ANKRD16: variants seen among roughly 807,000 people sequenced by gnomAD.
The protein encoded by ANKRD16 is ankyrin repeat domain 16.
A neutral mutation model predicts 37.9 loss-of-function variants in ANKRD16; 35 were observed. That is an observed-to-expected ratio of 0.92 (90% CI 0.71 to 1.23). The LOEUF (loss-of-function observed/expected upper bound fraction) is 1.23. ANKRD16 is among the 50% of genes most tolerant of loss of function. ANKRD16 has a pLI of 0.00. For missense variants in ANKRD16, 480 were observed against 469.9 expected, an observed-to-expected ratio of 1.02 and a Z score of -0.20; for synonymous variants, 206 against 197.2, an observed-to-expected ratio of 1.04 and a Z score of -0.37.
chr10:5,872,866 T>G (rs995883379), intron 7 of ANKRD16, among the ~76,000 whole-genome samples: 6 of 147,458 alleles, frequency 4.1e-5, no homozygotes, highest in African/African-American at 1.5e-4. Context: ...CTGCATTTTA[T>G]TTTTTATTTC....
In ANKRD16 at chr10:5,866,319, G is replaced by A. The variant is rs1431372248; in HGVS notation, c.*34-3628C>T. Among the ~76,000 whole-genome samples, 1 of 152,190 alleles carries A rather than the reference G, an allele frequency of 6.6e-6. No homozygotes were observed. Among genetic ancestry groups the A allele is most frequent in the Non-Finnish European group, 1.5e-5 (1 of 68,036 alleles). ...AGATGAATTCTTAGAAGTCCCCTTA[G>A]TTAATCCTGACCTTAATCTATATAC... On this transcript the variant is annotated intron_variant, in intron 7 of 7. Coordinates refer to ENST00000380094, the MANE Select transcript of ANKRD16 (RefSeq NM_019046.3). This position sits in a 1 kb window ranked among gnomAD's most constrained non-coding sequence, Gnocchi z 4.3.
intron 7 of ANKRD16, among the ~76,000 whole-genome samples, chr10:5,875,087 G>A (rs1319194925): frequency 6.6e-6 from 1 of 152,122 alleles, no homozygotes; most frequent in African/African-American, 2.4e-5. Flanking sequence ...TCTGCACAGA[G>A]CAGCAACAAC....
chr10:5,882,269 C>A (rs1244489739), intron 5 of ANKRD16, among the ~76,000 whole-genome samples: 2 of 151,840 alleles, frequency 1.3e-5, no homozygotes, highest in Non-Finnish European at 2.9e-5. Flanking sequence ...GTAGGCCGGG[C>A]ATGGTGGCTC....
Position 5,865,030 on chromosome 10 carries a change from T to G in ANKRD16, c.*34-2339A>C, listed in dbSNP as rs1453576478. 6.6e-6 allele frequency among the ~76,000 whole-genome samples: 1 copy of G among 152,106 alleles called. No individual in the cohort carries two copies. The highest frequency in any genetic ancestry group is 1.5e-5 in the Non-Finnish European group (1 of 68,016). ...CCTGAACAAAATCTGGAGGCATTAT[T>G]AAACCTGGCAACCTCTGTGTTCTAT... On this transcript the variant is annotated intron_variant, in intron 7 of 7. Transcript: ENST00000380094. The surrounding 1 kb of genome is among the most constrained non-coding windows in gnomAD (Gnocchi z 4.7).
rs1297326416 is a variant in ANKRD16, at chr10:5,866,474, C to T, written c.*34-3783G>A. 6.6e-6 allele frequency among the ~76,000 whole-genome samples: 1 copy of T among 152,198 alleles called. No homozygotes were observed. The highest frequency in any genetic ancestry group is 1.5e-5 in the Non-Finnish European group (1 of 68,042). ...TGCCCAGTTAGCAGAACTAGTGGCA[C>T]TTACCCGAGCCTTAGAACTGGGAAA... On this transcript the variant is annotated intron_variant, in intron 7 of 7. Coordinates refer to ENST00000380094, the MANE Select transcript of ANKRD16 (RefSeq NM_019046.3). The surrounding 1 kb of genome is among the most constrained non-coding windows in gnomAD (Gnocchi z 4.3).
chr10:5,884,055 T>C lies in ANKRD16; in HGVS notation c.601A>G (p.Arg201Gly), dbSNP rs1842370404. The C allele has an allele frequency of 1.2e-6, 2 of 1,614,002 alleles. No homozygotes were observed. The highest frequency in any genetic ancestry group is 1.7e-6 in the Non-Finnish European group (2 of 1,180,038). Residue 201 changes from arginine to glycine, a missense_variant, in exon 4 of 8, where the codon AGA becomes GGA. Coordinates refer to ENST00000380094, the MANE Select transcript of ANKRD16 (RefSeq NM_019046.3). ...LKRCQYEPDY[R>G]DNCGVTALMD... Reference sequence around the variant, plus strand: ...AAGGCGGTGACGCCACAGTTGTCTCTGTAGTCTGGTTCATATTGGCACCTA... The same window carrying C: ...AAGGCGGTGACGCCACAGTTGTCTCCGTAGTCTGGTTCATATTGGCACCTA...
chr10:5,889,105 G>A lies in ANKRD16; in HGVS notation c.250C>T (p.Arg84Ter). ...CCCAGCAGGTAGCGCACGCAGTCTC[G>A]GTGGCCCATGGAGGCCGCCTCGTGC... ...PLHEAASMGHRDCVRYLLGRG... is the reference protein window; with the variant it reads ...PLHEAASMGH Residue 84 changes from arginine to a stop codon, truncating the protein, a stop_gained, in exon 1 of 8, where the codon CGA becomes TGA. Transcript: ENST00000380094. LOFTEE classifies it high-confidence loss of function. 1 of 1,591,948 alleles carries A rather than the reference G, an allele frequency of 6.3e-7. No individual in the cohort carries two copies. Among genetic ancestry groups the A allele is most frequent in the Non-Finnish European group, 8.5e-7 (1 of 1,176,212 alleles).
intron 3 of ANKRD16, among the ~76,000 whole-genome samples, chr10:5,884,463 G>A (rs1156829266): frequency 6.6e-6 from 1 of 152,180 alleles, no homozygotes; most frequent in Non-Finnish European, 1.5e-5. Context: ...GGGCACAGTG[G>A]CTCACGACTG....
Position 5,888,574 on chromosome 10 carries a change from G to T in ANKRD16, c.314+467C>A, listed in dbSNP as rs116650460. Among the ~76,000 whole-genome samples, 1,059 of 152,346 alleles carry T rather than the reference G, an allele frequency of 7.0e-3. 16 individuals are homozygous for T. The highest frequency in any genetic ancestry group is 0.024 in the African/African-American group (1,014 of 41,578). ...TCTCTGACTGTGGTGGTTATGCAAG[G>T]CTGCACGTATGTGATACAACTGCAC... On this transcript the variant is annotated intron_variant, in intron 1 of 7. Coordinates refer to ENST00000380094, the MANE Select transcript of ANKRD16 (RefSeq NM_019046.3).
intron 7 of ANKRD16, among the ~76,000 whole-genome samples, chr10:5,876,998 G>A (rs573161557): frequency 6.6e-6 from 1 of 152,214 alleles, no homozygotes; most frequent in Non-Finnish European, 1.5e-5. Flanking sequence ...CATTCCTTAA[G>A]TCACAGGCTT....
rs776902514 is a variant in ANKRD16 at position 5,888,015 on chromosome 10, G to C, written c.367C>G (p.Leu123Val). The C allele has an allele frequency of 5.6e-6, 9 of 1,614,212 alleles. No homozygotes were observed. In the South Asian group the frequency reaches 9.9e-5, roughly 18 times the overall value. Residue 123 changes from leucine (L) to valine (V), a missense_variant, in exon 2 of 8, where the codon CTG becomes GTG. Transcript: ENST00000380094. ...TRKNLGVIQE[L>V]VEHGANPLLK... The stretch of plus-strand genomic sequence containing the variant: ...AGTGGATTGGCGCCATGTTCCACCA[G>C]CTCCTGGATCACCCCCAGGTTCTTC...
At chr10:5,872,631 A>T (rs966763680) in intron 7 of ANKRD16, among the ~76,000 whole-genome samples, 2 of 151,642 alleles carry the variant, frequency 1.3e-5, no homozygotes, top group Non-Finnish European at 2.9e-5. Context: ...ATCTCAGCTC[A>T]CTGCAAGCTC....
At chr10:5,883,578 AG>A (rs1318229794) in intron 4 of ANKRD16, among the ~76,000 whole-genome samples, 1 of 152,216 alleles carries the variant, frequency 6.6e-6, no homozygotes, top group African/African-American at 2.4e-5. Flanking sequence ...TACAGGCATG[AG>A]CCATCACGCC....
At position 5,889,202 on chromosome 10, in the gene ANKRD16, G is replaced by A; in HGVS notation, c.153C>T (p.Asp51=). The A allele has an allele frequency of 6.3e-7, 1 of 1,595,934 alleles. No homozygotes were observed. Among genetic ancestry groups the A allele is most frequent in the Non-Finnish European group, 8.5e-7 (1 of 1,178,584 alleles). ...AGGCCTCGGCCAGATAGGCCAGCACGTCCCGATGCCCGTGGCGCGCGGCGC... is the reference window on the plus strand; with the variant it reads ...AGGCCTCGGCCAGATAGGCCAGCACATCCCGATGCCCGTGGCGCGCGGCGC... ...LHCAARHGHR[D]VLAYLAEAWG... is the part of the protein sequence containing the mutation. The change falls in exon 1 of 8, where the codon GAC becomes GAT. Residue 51 remains aspartate (D), a synonymous_variant. Transcript: ENST00000380094.
chr10:5,878,223 C>T lies in ANKRD16; in HGVS notation c.993G>A (p.Leu331=). 1.2e-6 allele frequency: 2 copies of T among 1,614,188 alleles called. No homozygotes were observed. The highest frequency in any genetic ancestry group is 1.7e-6 in the Non-Finnish European group (2 of 1,180,030). ...TGCCCGTGATGTCTTCAGAATCCTT[C>T]AGTCCCGACTGCAGGAGAAACTTGG... ...ACAKFLLQSG[L]KDSEDITGTL... The change falls in exon 7 of 8, where the codon CTG becomes CTA. Residue 331 remains leucine, a synonymous_variant. Coordinates refer to ENST00000380094, the MANE Select transcript of ANKRD16 (RefSeq NM_019046.3). The surrounding 1 kb of genome is among the most constrained non-coding windows in gnomAD (Gnocchi z 5.1).
At position 5,882,986 on chromosome 10, in the gene ANKRD16, C is replaced by T. The variant is rs749882649; in HGVS notation, c.849+20G>A. ...GCAAGCCTCAGGGAAGCTCGGACAA[C>T]GTTATAAGAAGTAACAAACCTTAGC... is the stretch of plus-strand genomic sequence containing the variant. On this transcript the variant is annotated intron_variant, in intron 5 of 7. Transcript: ENST00000380094. The T allele has an allele frequency of 4.9e-5, 79 of 1,609,656 alleles. No individual in the cohort carries two copies. The highest frequency in any genetic ancestry group is 5.0e-5 in the Admixed American group (3 of 59,942).
chr10:5,884,850 T>C (rs1842390516), intron 3 of ANKRD16, among the ~76,000 whole-genome samples: 1 of 151,976 alleles, frequency 6.6e-6, no homozygotes. Context: ...TTTTCTTAAA[T>C]GTACCACAGT....
rs574450583 is a variant in ANKRD16, at chr10:5,870,840, C to T, written c.*33+7257G>A. On this transcript the variant is annotated intron_variant, in intron 7 of 7. Transcript: ENST00000380094. The surrounding 1 kb of genome is among the most constrained non-coding windows in gnomAD (Gnocchi z 5.0). ...ATGTTGGTTGAAATGCCTGCAGAAC[C>T]CTCCTGTTGCTGTGCTCAGGCCAGA... 6.6e-6 allele frequency among the ~76,000 whole-genome samples: 1 copy of T among 152,280 alleles called. No individual in the cohort carries two copies. Among genetic ancestry groups the T allele is most frequent in the East Asian group, 1.9e-4 (1 of 5,192 alleles).
rs766444588 is a variant in ANKRD16 at position 5,883,161 on chromosome 10, G to C, written c.694C>G (p.Leu232Val). 3.7e-6 allele frequency: 6 copies of C among 1,613,632 alleles called. No individual in the cohort carries two copies. Among genetic ancestry groups the C allele is most frequent in the South Asian group, 1.1e-5 (1 of 91,058 alleles). The change falls in exon 5 of 8, where the codon CTT becomes GTT. Residue 232 changes from leucine to valine, a missense_variant. By Grantham distance (32) the Leu-to-Val change is conservative. Coordinates refer to ENST00000380094, the MANE Select transcript of ANKRD16 (RefSeq NM_019046.3). ...GCACCCAGGCTGTCTTCTGCTGAAA[G>C]GCAAGCCTAGTGGGCAGAGGAGAGA... is the stretch of plus-strand genomic sequence containing the variant. ...RLLLDEHGAC[L>V]SAEDSLGAQA... is the part of the protein sequence containing the mutation.
Sources: allele counts gnomAD v4.1 joint callset (sites outside exome capture counted in the v4.1 genomes callset), GRCh38; gene constraint gnomAD v4.1.1; non-coding constraint Gnocchi (gnomAD v3.1); transcripts MANE v1.5; gene names NCBI Gene and HGNC (gene_info 2026-07-23, HGNC 2026-07-21).